Variants in PRKD1 observed in about 807,000 individuals in gnomAD.
PRKD1 encodes protein kinase D1.
In PRKD1, 63 loss-of-function variants were observed where a neutral mutation model predicts 95.9. The ratio of observed to expected loss-of-function variants is 0.66; its 90% CI spans 0.54 to 0.81. PRKD1 has a LOEUF of 0.81. Ranked by LOEUF, PRKD1 falls within the 30% of genes least tolerant of loss-of-function variation. The pLI is 0.00. For missense variants in PRKD1, 1,048 were observed against 1,165.3 expected, an observed-to-expected ratio of 0.90 and a Z score of 1.47; for synonymous variants, 425 against 423.1, an observed-to-expected ratio of 1.00 and a Z score of -0.05.
At chr14:29,629,662 CTT>C (rs747334415) in intron 10 of PRKD1, among the ~76,000 whole-genome samples, 1 of 151,782 alleles carries the variant, frequency 6.6e-6, no homozygotes, top group African/African-American at 2.4e-5. Flanking sequence ...AAATAAATGA[CTT>C]TTTTATAGAA....
intron 13 of PRKD1, among the ~76,000 whole-genome samples, chr14:29,620,706 G>A (rs1174327437): frequency 1.3e-5 from 2 of 152,086 alleles, no homozygotes; most frequent in Non-Finnish European, 2.9e-5. Flanking sequence ...GGAGAAATAG[G>A]AACACTTTCA....
intron 1 of PRKD1, among the ~76,000 whole-genome samples, chr14:29,922,067 C>T (rs114198482): frequency 0.014 from 2,066 of 151,758 alleles, 46 homozygotes; most frequent in African/African-American, 0.048. Context: ...CTTGGGAGGC[C>T]AAGGCGGGCG....
intron 1 of PRKD1, among the ~76,000 whole-genome samples, chr14:29,826,083 T>G (rs980518247): frequency 6.6e-6 from 1 of 151,092 alleles, no homozygotes; most frequent in South Asian, 2.1e-4. Context: ...CATCAATCAA[T>G]GAGTGGATAA....
At chr14:29,819,828 T>C (rs1026989782) in intron 1 of PRKD1, among the ~76,000 whole-genome samples, 1 of 152,242 alleles carries the variant, frequency 6.6e-6, no homozygotes, top group Admixed American at 6.5e-5. Flanking sequence ...TTCTGTAAAT[T>C]TGAAATTATT....
chr14:29,756,751 C>G (rs774590636), intron 1 of PRKD1, among the ~76,000 whole-genome samples: 5 of 152,214 alleles, frequency 3.3e-5, no homozygotes, highest in Non-Finnish European at 7.3e-5. Flanking sequence ...CTATGGGAGC[C>G]TGCATGGTTG....
intron 1 of PRKD1, among the ~76,000 whole-genome samples, chr14:29,894,085 T>C (rs1010369839): frequency 1.3e-5 from 2 of 152,122 alleles, no homozygotes; most frequent in African/African-American, 4.8e-5. Context: ...AGTATATAAT[T>C]AGGGAAGGTT....
At chr14:29,905,666 C>T (rs997374460) in intron 1 of PRKD1, among the ~76,000 whole-genome samples, 1 of 152,182 alleles carries the variant, frequency 6.6e-6, no homozygotes, top group Non-Finnish European at 1.5e-5. Flanking sequence ...ACTGTTCCAC[C>T]TCCCATGAAT....
chr14:29,736,255 C>T (rs1484525541), intron 1 of PRKD1, among the ~76,000 whole-genome samples: 1 of 152,128 alleles, frequency 6.6e-6, no homozygotes, highest in African/African-American at 2.4e-5. Context: ...GCATATTGGT[C>T]TTCAACTGCT....
At chr14:29,837,813 T>C (rs939472419) in intron 1 of PRKD1, among the ~76,000 whole-genome samples, 23 of 152,188 alleles carry the variant, frequency 1.5e-4, no homozygotes, top group Non-Finnish European at 5.9e-5. Context: ...TGCACAAACA[T>C]ATATATAAAA....
At chr14:29,645,534 C>T (rs759933985) in intron 4 of PRKD1, among the ~76,000 whole-genome samples, 5 of 152,102 alleles carry the variant, frequency 3.3e-5, no homozygotes, top group Admixed American at 1.3e-4. Flanking sequence ...ATTCAAAGAA[C>T]AGTGCAGAGT....
intron 2 of PRKD1, 132 bp from the exon 3 acceptor site, chr14:29,666,340 A>C (rs1882506932): frequency 2.2e-6 from 2 of 915,926 alleles, no homozygotes; most frequent in Non-Finnish European, 3.0e-6. Context: ...AAGATGCAAC[A>C]CAGCTTGCAC....
chr14:29,587,389 TG>T (rs762332576), intron 16 of PRKD1, among the ~76,000 whole-genome samples: 2 of 152,192 alleles, frequency 1.3e-5, no homozygotes, highest in Non-Finnish European at 2.9e-5. Context: ...AGAATATTTT[TG>T]TTGATCCTCT....
At chr14:29,595,306 T>A (rs1893261382) in intron 16 of PRKD1, among the ~76,000 whole-genome samples, 1 of 152,208 alleles carries the variant, frequency 6.6e-6, no homozygotes, top group Non-Finnish European at 1.5e-5. Flanking sequence ...CTAAATTCTA[T>A]CTCCTCTGAA....
At chr14:29,774,009 A>G (rs565667813) in intron 1 of PRKD1, among the ~76,000 whole-genome samples, 8 of 152,368 alleles carry the variant, frequency 5.3e-5, no homozygotes, top group African/African-American at 1.9e-4. Flanking sequence ...GTTGGATCAA[A>G]GAAAGAAAAG....
chr14:29,672,340 CAAAAA>C (rs564550184), intron 2 of PRKD1, among the ~76,000 whole-genome samples: 2 of 123,688 alleles, frequency 1.6e-5, no homozygotes, highest in East Asian at 2.2e-4. Flanking sequence ...GACTCTGTCT[CAAAAA>C]AAAAATAAAA....
In PRKD1 at chr14:29,666,238, T is replaced by C. The variant is rs1566525409; in HGVS notation, c.404-30A>G. ...AAAAATAGTGATGTTGAAAAGTAAG[T>C]TGAATAGGCACTCTGATCTGTAAAT... On this transcript the variant is annotated intron_variant, in intron 2 of 17. Transcript: ENST00000331968. 3.8e-6 allele frequency: 6 copies of C among 1,568,894 alleles called. No homozygotes were observed. In the Admixed American group the frequency reaches 6.7e-5, roughly 18 times the overall value.
At chr14:29,871,237 C>T (rs1893095556) in intron 1 of PRKD1, among the ~76,000 whole-genome samples, 1 of 152,148 alleles carries the variant, frequency 6.6e-6, no homozygotes, top group East Asian at 1.9e-4. Context: ...ATACTCTCCA[C>T]GGAAAGTAGG....
At chr14:29,591,607 C>T (rs997100041) in intron 16 of PRKD1, among the ~76,000 whole-genome samples, 3 of 152,114 alleles carry the variant, frequency 2.0e-5, no homozygotes, top group African/African-American at 7.2e-5. Flanking sequence ...AAAATGCCTG[C>T]TATAGATCTA....
intron 1 of PRKD1, among the ~76,000 whole-genome samples, chr14:29,755,528 C>T (rs558026508): frequency 6.6e-6 from 1 of 152,052 alleles, no homozygotes; most frequent in East Asian, 1.9e-4. Context: ...AACAAACTTA[C>T]CCCTGGTTGA....
Sources: allele counts gnomAD v4.1 joint callset (sites outside exome capture counted in the v4.1 genomes callset), GRCh38; gene constraint gnomAD v4.1.1; transcripts MANE v1.5; gene names NCBI Gene and HGNC (gene_info 2026-07-23, HGNC 2026-07-21).